The following LDLRAD3 variants were observed in gnomAD, a reference collection of about 807,000 sequenced individuals.
LDLRAD3 encodes the protein low density lipoprotein receptor class A domain containing 3, also known as low-density lipoprotein receptor class A domain-containing protein 3.
Under a neutral mutation model 29.4 loss-of-function variants are expected in LDLRAD3, and 20 were observed. The observed-to-expected ratio is 0.68, with a 90% confidence interval of 0.48 to 0.99. The LOEUF is 0.99. Among genes scored for constraint, LDLRAD3 ranks in the 50% least tolerant of loss-of-function variants. The probability of loss-of-function intolerance (pLI) is 0.00; values close to 1 mark genes in which losing one functional copy is unlikely to be tolerated. For missense variants in LDLRAD3, 420 were observed against 454.3 expected (o/e 0.92, Z 0.69); for synonymous variants, 157 against 192.7 (o/e 0.81, Z 1.53).
chr11:36,069,171 C>T (rs1233101661), intron 2 of LDLRAD3, among the ~76,000 whole-genome samples: 1 of 152,222 alleles, frequency 6.6e-6, no homozygotes, highest in Non-Finnish European at 1.5e-5. Context: ...ATAAATTTTG[C>T]AAAGGCTAGA....
chr11:36,217,744 C>A (rs1462197645), intron 4 of LDLRAD3, among the ~76,000 whole-genome samples: 1 of 152,120 alleles, frequency 6.6e-6, no homozygotes, highest in Non-Finnish European at 1.5e-5. Context: ...ATGCCTCATT[C>A]CTAGCTTCTG....
chr11:36,082,846 C>G (rs1853136081), intron 3 of LDLRAD3, among the ~76,000 whole-genome samples: 1 of 152,228 alleles, frequency 6.6e-6, no homozygotes, highest in African/African-American at 2.4e-5. Flanking sequence ...GCCTTTAATA[C>G]TGGCCCAGCT....
At chr11:36,133,987 A>G (rs1019153348) in intron 4 of LDLRAD3, among the ~76,000 whole-genome samples, 1 of 152,072 alleles carries the variant, frequency 6.6e-6, no homozygotes, top group Non-Finnish European at 1.5e-5. Context: ...TATATATAAC[A>G]TGTATGTATA....
At chr11:36,191,544 C>G (rs961352266) in intron 4 of LDLRAD3, among the ~76,000 whole-genome samples, 46 of 52,114 alleles carry the variant, frequency 8.8e-4, no homozygotes, top group African/African-American at 3.9e-3. Context: ...CCCTGTCTCT[C>G]TCTCTCTCTC....
intron 3 of LDLRAD3, among the ~76,000 whole-genome samples, chr11:36,088,651 G>A (rs941909360): frequency 1.3e-5 from 2 of 152,136 alleles, no homozygotes; most frequent in Admixed American, 1.3e-4. Context: ...TTCATCAGTT[G>A]TAGCCTCAGA....
At chr11:35,997,755 G>T in intron 1 of LDLRAD3, 1 of 165,630 alleles carries the variant, frequency 6.0e-6, no homozygotes, top group Non-Finnish European at 1.3e-5. Context: ...CCTCCAAGCC[G>T]AAAGCCAAAA....
intron 4 of LDLRAD3, among the ~76,000 whole-genome samples, chr11:36,174,851 A>G (rs1306716397): frequency 3.3e-5 from 5 of 152,110 alleles, no homozygotes; most frequent in Non-Finnish European, 7.4e-5. Context: ...GCGTGGTGGC[A>G]GGTGCCTGTA....
At chr11:36,011,465 A>C (rs1039871810) in intron 1 of LDLRAD3, among the ~76,000 whole-genome samples, 7 of 152,200 alleles carry the variant, frequency 4.6e-5, no homozygotes, top group Admixed American at 4.6e-4. Flanking sequence ...GAATTTTAGA[A>C]GTGAGAACAC....
intron 1 of LDLRAD3, among the ~76,000 whole-genome samples, chr11:35,960,888 C>T (rs1167997880): frequency 6.6e-6 from 1 of 152,236 alleles, no homozygotes; most frequent in Non-Finnish European, 1.5e-5. Flanking sequence ...GCCACCGTGC[C>T]CGGCCTGCTT....
intron 4 of LDLRAD3, chr11:36,101,843 A>G: frequency 3.3e-6 from 1 of 305,224 alleles, no homozygotes; most frequent in Non-Finnish European, 6.3e-6. Flanking sequence ...TTGACTAGAC[A>G]AAATATTGCC....
rs1302423195 is a variant in LDLRAD3, at chr11:36,015,807, T to C, written c.47-20296T>C. Among the ~76,000 whole-genome samples, 4 of 152,274 alleles carry C rather than the reference T, an allele frequency of 2.6e-5. No individual in the cohort carries two copies. The East Asian group carries it at 5.8e-4, about 22-fold the overall frequency. On this transcript the variant is annotated intron_variant, in intron 1 of 5. Transcript: ENST00000315571. ...CAGGAGGTGGGTTGTAGGATAACCCTCCACCCACTTGGGTTGCAAGGACAA... is the reference window on the plus strand; with the variant it reads ...CAGGAGGTGGGTTGTAGGATAACCCCCCACCCACTTGGGTTGCAAGGACAA...
intron 2 of LDLRAD3, among the ~76,000 whole-genome samples, chr11:36,038,406 A>G (rs372929113): frequency 1.3e-5 from 2 of 152,194 alleles, no homozygotes; most frequent in African/African-American, 4.8e-5. Context: ...GATATGGTGT[A>G]TATTTCAACT....
At chr11:36,125,397 A>T (rs905452866) in intron 4 of LDLRAD3, among the ~76,000 whole-genome samples, 1 of 152,192 alleles carries the variant, frequency 6.6e-6, no homozygotes, top group African/African-American at 2.4e-5. Flanking sequence ...GAATAATGAT[A>T]TTGTTGTGTA....
At chr11:36,064,479 ATTTTT>A (rs34464861) in intron 2 of LDLRAD3, among the ~76,000 whole-genome samples, 1 of 120,602 alleles carries the variant, frequency 8.3e-6, no homozygotes. Flanking sequence ...TGGCTAATTA[ATTTTT>A]TTTTTTTTTT....
intron 1 of LDLRAD3, among the ~76,000 whole-genome samples, chr11:36,002,997 G>A (rs1378546661): frequency 3.3e-5 from 5 of 152,216 alleles, no homozygotes; most frequent in South Asian, 2.1e-4. Flanking sequence ...CATTTTGTTA[G>A]GGAAAACCGT....
At chr11:36,093,191 G>C (rs958035716) in intron 3 of LDLRAD3, among the ~76,000 whole-genome samples, 3 of 152,174 alleles carry the variant, frequency 2.0e-5, no homozygotes, top group Non-Finnish European at 4.4e-5. Flanking sequence ...GTTCAAAAAT[G>C]TTTAGCAAAG....
intron 4 of LDLRAD3, among the ~76,000 whole-genome samples, chr11:36,181,586 C>T (rs1472150937): frequency 2.6e-5 from 4 of 152,134 alleles, no homozygotes; most frequent in South Asian, 2.1e-4. Context: ...ATGGAGCCTC[C>T]GAAACGCCTC....
rs1851674549 is a variant in LDLRAD3 at position 35,990,506 on chromosome 11, C to T, written c.47-45597C>T. Reference sequence around the variant, plus strand: ...GATCTCAGCTAACTGCCACCTCTGTCTCCTGGGTTCAAGTGATTCTCCTGC... The same window carrying T: ...GATCTCAGCTAACTGCCACCTCTGTTTCCTGGGTTCAAGTGATTCTCCTGC... On this transcript the variant is annotated intron_variant, in intron 1 of 5. Coordinates refer to ENST00000315571, the MANE Select transcript of LDLRAD3 (RefSeq NM_174902.4). Among the ~76,000 whole-genome samples the T allele has an allele frequency of 2.0e-5, 3 of 152,010 alleles. No individual in the cohort carries two copies. In the South Asian group the frequency reaches 6.2e-4, roughly 32 times the overall value.
Position 36,081,791 on chromosome 11 carries a change from C to T in LDLRAD3, c.319+13C>T. 1 of 1,614,048 alleles carries T rather than the reference C, an allele frequency of 6.2e-7. No individual in the cohort carries two copies. Among genetic ancestry groups the T allele is most frequent in the Non-Finnish European group, 8.5e-7 (1 of 1,179,926 alleles). ...GAAGAGAACTGCAGTAAGTGCTGCG[C>T]ACTTGAACACTGTGATCCCTTGTTC... On this transcript the variant is annotated intron_variant, in intron 3 of 5. Transcript: ENST00000315571.
Sources: allele counts gnomAD v4.1 joint callset (sites outside exome capture counted in the v4.1 genomes callset), GRCh38; gene constraint gnomAD v4.1.1; transcripts MANE v1.5; gene names NCBI Gene and HGNC (gene_info 2026-07-23, HGNC 2026-07-21).